The following ACTR6 variants were observed in gnomAD, a reference collection of about 807,000 sequenced individuals.
ACTR6 encodes actin-related protein 6.
Under a neutral mutation model 52.5 loss-of-function variants are expected in ACTR6, and 50 were observed. The observed-to-expected ratio is 0.95, with a 90% confidence interval of 0.76 to 1.20. The LOEUF (loss-of-function observed/expected upper bound fraction) is 1.20. Ranked by LOEUF, ACTR6 falls within the 50% of genes most tolerant of loss-of-function variation. ACTR6 has a pLI of 0.00. For synonymous variants in ACTR6, 135 were observed against 147.2 expected, an observed-to-expected ratio of 0.92 and a Z score of 0.60; for missense variants, 344 against 472.4, an observed-to-expected ratio of 0.73 and a Z score of 2.52.
intron 9 of ACTR6, among the ~76,000 whole-genome samples, chr12:100,219,442 T>G (rs137935541): frequency 2.1e-4 from 32 of 152,352 alleles, no homozygotes; most frequent in African/African-American, 7.0e-4. Flanking sequence ...TTTGCTATCA[T>G]GTAACTTTAA....
chr12:100,213,334 C>T (rs1263531676), intron 8 of ACTR6, among the ~76,000 whole-genome samples: 2 of 152,120 alleles, frequency 1.3e-5, no homozygotes, highest in African/African-American at 4.8e-5. Context: ...CTCAAATGAT[C>T]CTCCTGCCTT....
At chr12:100,207,547 A>G in intron 3 of ACTR6, 116 bp from the exon 4 acceptor site, 1 of 960,134 alleles carries the variant, frequency 1.0e-6, no homozygotes, top group Non-Finnish European at 1.4e-6. Flanking sequence ...TTAAATGGGG[A>G]TAGTAATAAG....
intron 4 of ACTR6, 120 bp from the exon 5 acceptor site, chr12:100,209,953 A>T: frequency 1.3e-6 from 1 of 772,544 alleles, no homozygotes; most frequent in South Asian, 2.0e-5. Flanking sequence ...TTATAAATTA[A>T]CATTTTTCTT....
At chr12:100,201,045 C>T in intron 1 of ACTR6, 126 bp downstream of exon 1, 2 of 1,553,610 alleles carry the variant, frequency 1.3e-6, no homozygotes, top group African/African-American at 1.4e-5. Flanking sequence ...CAGAGGGATT[C>T]CCTGGTTGGA....
chr12:100,209,246 A>G (rs1156853152), intron 4 of ACTR6, among the ~76,000 whole-genome samples: 4 of 152,048 alleles, frequency 2.6e-5, no homozygotes, highest in African/African-American at 4.8e-5. Flanking sequence ...TAAGGGCACA[A>G]TCTCAACCAG....
chr12:100,205,693 G>A lies in ACTR6; in HGVS notation c.204G>A (p.Trp68Ter). 6.6e-7 allele frequency: 1 copy of A among 1,517,354 alleles called. No individual in the cohort carries two copies. The highest frequency in any genetic ancestry group is 8.8e-7 in the Non-Finnish European group (1 of 1,135,124). 94.0% of individuals were successfully genotyped at this position (1,517,354 alleles called of 1,614,324 possible). ...TTTTTTAGGGCTACTTGGTGAATTG[G>A]GATGTTCAGAGACAAGTTTGGGATT... is the stretch of plus-strand genomic sequence containing the variant. ...LPFQKGYLVN[W>*]DVQRQVWDYL... is the part of the protein sequence containing the mutation. Residue 68 changes from tryptophan to a stop codon, truncating the protein, a stop_gained, in exon 3 of 11, where the codon TGG becomes TGA. Coordinates refer to ENST00000188312, the MANE Select transcript of ACTR6 (RefSeq NM_022496.5). LOFTEE classifies it high-confidence loss of function.
intron 8 of ACTR6, among the ~76,000 whole-genome samples, chr12:100,213,601 A>T (rs1055348925): frequency 6.6e-6 from 1 of 152,216 alleles, no homozygotes; most frequent in Admixed American, 6.5e-5. Flanking sequence ...AAATTGAGTT[A>T]GAAATTGGTT....
intron 8 of ACTR6, among the ~76,000 whole-genome samples, chr12:100,214,841 G>C (rs1054417874): frequency 6.6e-6 from 1 of 152,228 alleles, no homozygotes; most frequent in African/African-American, 2.4e-5. Flanking sequence ...GGATAAGGTT[G>C]CCTGGGCATG....
intron 9 of ACTR6, 81 bp from the exon 10 acceptor site, chr12:100,219,927 C>T: frequency 6.9e-7 from 1 of 1,442,740 alleles, no homozygotes; most frequent in Non-Finnish European, 9.5e-7. Flanking sequence ...CTTATCTGAT[C>T]CCTCATCCAC....
At chr12:100,212,134 C>A in intron 6 of ACTR6, 122 bp from the exon 7 acceptor site, 1 of 652,330 alleles carries the variant, frequency 1.5e-6, no homozygotes, top group Non-Finnish European at 2.6e-6. Flanking sequence ...TTTACACATT[C>A]AAGAATTTAA....
At chr12:100,216,595 A>G (rs2096124118) in intron 8 of ACTR6, among the ~76,000 whole-genome samples, 1 of 152,250 alleles carries the variant, frequency 6.6e-6, no homozygotes, top group African/African-American at 2.4e-5. Context: ...AATCAGGGCT[A>G]TAAACTAGAT....
chr12:100,208,018 G>T, intron 4 of ACTR6: 1 of 358,690 alleles, frequency 2.8e-6, no homozygotes, highest in South Asian at 2.6e-5. Flanking sequence ...AAAATTAGTT[G>T]GGCATGGTGA....
chr12:100,222,923 G>A (rs1344895148), intron 10 of ACTR6, among the ~76,000 whole-genome samples: 1 of 152,100 alleles, frequency 6.6e-6, no homozygotes, highest in Non-Finnish European at 1.5e-5. Flanking sequence ...TCATTTATTA[G>A]AGGCAACAAA....
chr12:100,204,998 A>C lies in ACTR6; in HGVS notation c.127A>C (p.Asn43His). The C allele has an allele frequency of 2.5e-6, 4 of 1,613,038 alleles. No individual in the cohort carries two copies. The highest frequency in any genetic ancestry group is 1.3e-5 in the African/African-American group (1 of 75,040). Residue 43 changes from asparagine (N) to histidine (H), a missense_variant, in exon 2 of 11, where the codon AAC (asparagine) becomes CAC (histidine). Physicochemically the swap from Asn to His is moderately conservative, Grantham distance 68 (BLOSUM62 1). Transcript: ENST00000188312. ...KTARLKTFTA[N>H]QIDEIKDPSG... ...AGCACGTCTTAAAACTTTTACTGCCAACCAGATAGATGAAATAAAAGACCC... is the reference window on the plus strand; with the variant it reads ...AGCACGTCTTAAAACTTTTACTGCCCACCAGATAGATGAAATAAAAGACCC...
chr12:100,212,536 T>C lies in ACTR6; in HGVS notation c.750+8T>C. ...AAAAAGGGCTTTTGTAAGGTAATTTTTAAAAACCATCAATGGTTGGTTGCT... is the reference window on the plus strand; with the variant it reads ...AAAAAGGGCTTTTGTAAGGTAATTTCTAAAAACCATCAATGGTTGGTTGCT... On this transcript the variant is annotated splice_region_variant and intron_variant, in intron 8 of 10. Transcript: ENST00000188312. The C allele has an allele frequency of 6.2e-7, 1 of 1,605,422 alleles. No individual in the cohort carries two copies. Among genetic ancestry groups the C allele is most frequent in the Non-Finnish European group, 8.5e-7 (1 of 1,172,224 alleles).
chr12:100,204,972 C>T lies in ACTR6; in HGVS notation c.101C>T (p.Thr34Ile). 2 of 1,612,214 alleles carry T rather than the reference C, an allele frequency of 1.2e-6. No homozygotes were observed. The highest frequency in any genetic ancestry group is 1.7e-6 in the Non-Finnish European group (2 of 1,178,678). ...VIPNCQFRSK[T>I]ARLKTFTANQ... ...CCTAATTGTCAGTTCCGGTCAAAAA[C>T]AGCACGTCTTAAAACTTTTACTGCC... Residue 34 changes from threonine to isoleucine, a missense_variant, in exon 2 of 11, where the codon ACA becomes ATA. Thr to Ile is a moderately conservative substitution (Grantham distance 89). Transcript: ENST00000188312.
chr12:100,218,516 T>C lies in ACTR6; in HGVS notation c.852T>C (p.Pro284=). 3 of 1,597,862 alleles carry C rather than the reference T, an allele frequency of 1.9e-6. No homozygotes were observed. Among genetic ancestry groups the C allele is most frequent in the Non-Finnish European group, 2.6e-6 (3 of 1,172,116 alleles). Residue 284 remains proline, a synonymous_variant, in exon 9 of 11, where the codon CCT becomes CCC. Coordinates refer to ENST00000188312, the MANE Select transcript of ACTR6 (RefSeq NM_022496.5). This position sits in a 1 kb window ranked among gnomAD's most constrained non-coding sequence, Gnocchi z 4.2. ...CTGTTCCGGAAATACTCTTTAATCC[T>C]TCTGATATAGGCATTCAAGAAATGG... ...RFAVPEILFN[P]SDIGIQEMGI... is the part of the protein sequence containing the mutation.
At chr12:100,219,073 G>A (rs1447613002) in intron 9 of ACTR6, among the ~76,000 whole-genome samples, 2 of 149,580 alleles carry the variant, frequency 1.3e-5, no homozygotes, top group African/African-American at 4.9e-5. Context: ...TAATGTTCCA[G>A]AGTTTTAGGG....
In ACTR6 at chr12:100,205,783, G is replaced by A. The variant is rs1191095566; in HGVS notation, c.255+39G>A. The A allele has an allele frequency of 5.2e-6, 6 of 1,153,402 alleles. No individual in the cohort carries two copies. In the South Asian group the frequency reaches 7.7e-5, roughly 15 times the overall value. 71.4% of individuals were successfully genotyped at this position (1,153,402 alleles called of 1,614,324 possible). On this transcript the variant is annotated intron_variant, in intron 3 of 10. Coordinates refer to ENST00000188312, the MANE Select transcript of ACTR6 (RefSeq NM_022496.5). ...GTATGTATTAAAATTCTATTTCCAT[G>A]TTTAATTGTAATGAAAAATTAGAAT...
Sources: gnomAD v4.1 joint callset for allele counts (sites outside exome capture counted in the v4.1 genomes callset) on GRCh38, gnomAD v4.1.1 for gene constraint, Gnocchi (gnomAD v3.1) non-coding constraint, MANE v1.5 for transcripts, NCBI Gene and HGNC (gene_info 2026-07-23, HGNC 2026-07-21) for gene names.